The following RSKR variants were observed in gnomAD, a reference collection of about 807,000 sequenced individuals.
The protein encoded by RSKR is ribosomal protein S6 kinase related.
RSKR carries 44 observed loss-of-function variants against 56.8 expected under a neutral mutation model. The ratio of observed to expected loss-of-function variants is 0.77; its 90% CI spans 0.61 to 1.00. The LOEUF (loss-of-function observed/expected upper bound fraction) is 1.00. Among genes scored for constraint, RSKR ranks in the 50% least tolerant of loss-of-function variants. The pLI, the probability that RSKR is intolerant of heterozygous loss-of-function variation, is 0.00. For synonymous variants in RSKR, 181 were observed against 188.0 expected (o/e 0.96, Z 0.30); for missense variants, 510 against 506.9 (o/e 1.01, Z -0.06).
In RSKR at chr17:28,612,401, G is replaced by T. The variant is rs543364079; in HGVS notation, c.548-35C>A. Reference sequence around the variant, plus strand: ...CAGTGTGGAGCTACATACATTGCCAGAAGTCTAGGCAATGTTTGGGAGCTG... The same window carrying T: ...CAGTGTGGAGCTACATACATTGCCATAAGTCTAGGCAATGTTTGGGAGCTG... On this transcript the variant is annotated intron_variant, in intron 5 of 11. Transcript: ENST00000301037. 4 of 1,595,856 alleles carry T rather than the reference G, an allele frequency of 2.5e-6. No homozygotes were observed. The Admixed American group carries it at 6.7e-5, about 27-fold the overall frequency.
chr17:28,612,171 T>G, intron 6 of RSKR, 87 bp from the exon 7 acceptor site: 1 of 1,585,358 alleles, frequency 6.3e-7, no homozygotes, highest in Non-Finnish European at 8.7e-7. Context: ...TATCCTATTC[T>G]TTAACTTCCA....
Position 28,608,383 on chromosome 17 carries a change from TCTCA to T in RSKR, c.*2091_*2094del, listed in dbSNP as rs1171079576. On this transcript the variant is annotated 3_prime_UTR_variant, in exon 12 of 12. Transcript: ENST00000301037. ...AATTTATTTTTTTCCTGAGACAAGA[TCTCA>T]CTCTGTTGCTCAGGCTGGATGCAGT... 2 of 152,178 alleles carry T rather than the reference TCTCA, an allele frequency of 1.3e-5. No individual in the cohort carries two copies. The highest frequency in any genetic ancestry group is 2.9e-5 in the Non-Finnish European group (2 of 68,038). The allele number at this position is 152,178 out of a possible 1,614,324, so 9.4% of individuals were successfully genotyped here.
rs2070792386 is a variant in RSKR, at chr17:28,610,193, C to T, written c.*285G>A. ...AAGCAGAAGCAGCTCTGGCTGACAG[C>T]CTGAGGGTAAAGAGCACTGGAGAAG... On this transcript the variant is annotated 3_prime_UTR_variant, in exon 12 of 12. Transcript: ENST00000301037. 1 of 363,402 alleles carries T rather than the reference C, an allele frequency of 2.8e-6. No homozygotes were observed. Among genetic ancestry groups the T allele is most frequent in the African/African-American group, 2.0e-5 (1 of 49,396 alleles). The allele number at this position is 363,402 out of a possible 1,614,324, so 22.5% of individuals were successfully genotyped here. A position where few individuals can be genotyped will look rare whatever the true frequency, so the allele number is the denominator to read the frequency against.
intron 7 of RSKR, 118 bp downstream of exon 7, chr17:28,611,926 C>T: frequency 6.2e-7 from 1 of 1,611,826 alleles, no homozygotes; most frequent in Non-Finnish European, 8.5e-7. Flanking sequence ...TCCCCAAATC[C>T]TTGGCACCCA....
rs749382342 is a variant in RSKR at position 28,609,032 on chromosome 17, CTTTTTTTTTTT to C, written c.*1435_*1445del. ...TTGAGATATGTCTCTAACCTTAAAT[CTTTTTTTTTTT>C]TTTTTTTTTTTTTTTTTGAGACAGA... On this transcript the variant is annotated 3_prime_UTR_variant, in exon 12 of 12. Coordinates refer to ENST00000301037, the MANE Select transcript of RSKR (RefSeq NM_001174103.2). The C allele has an allele frequency of 1.1e-4, 10 of 93,658 alleles. No individual in the cohort carries two copies. The highest frequency in any genetic ancestry group is 7.3e-4 in the Admixed American group (6 of 8,260). The allele number at this position is 93,658 out of a possible 1,614,324, so 5.8% of individuals were successfully genotyped here.
At chr17:28,612,897 C>T (rs757567165) in intron 4 of RSKR, 181 bp downstream of exon 4, 11 of 763,960 alleles carry the variant, frequency 1.4e-5, no homozygotes, top group Non-Finnish European at 2.2e-5. Context: ...AGAGATTTCC[C>T]TAGTAGGACA....
chr17:28,610,774 A>C, intron 11 of RSKR, 75 bp from the exon 12 acceptor site: 1 of 1,391,018 alleles, frequency 7.2e-7, no homozygotes, highest in Non-Finnish European at 9.7e-7. Flanking sequence ...GAAAAGAAGA[A>C]AGAAGTTCAT....
rs897699258 is a variant in RSKR, at chr17:28,612,427, C to T, written c.548-61G>A. The T allele has an allele frequency of 1.9e-6, 3 of 1,552,102 alleles. No individual in the cohort carries two copies. In the African/African-American group the frequency reaches 4.1e-5, roughly 21 times the overall value. On this transcript the variant is annotated intron_variant, in intron 5 of 11. Coordinates refer to ENST00000301037, the MANE Select transcript of RSKR (RefSeq NM_001174103.2). ...AAGTCTAGGCAATGTTTGGGAGCTG[C>T]AATGCCTGGGCTCAAGGCATTGTAG... is the stretch of plus-strand genomic sequence containing the variant.
chr17:28,608,049 A>G lies in RSKR; in HGVS notation c.*2429T>C, dbSNP rs2070767101. The G allele has an allele frequency of 6.6e-6, 1 of 152,240 alleles. No homozygotes were observed. The highest frequency in any genetic ancestry group is 1.5e-5 in the Non-Finnish European group (1 of 68,038). The allele number at this position is 152,240 out of a possible 1,614,324, so 9.4% of individuals were successfully genotyped here. A position where few individuals can be genotyped will look rare whatever the true frequency, so the allele number is the denominator to read the frequency against. ...GCAGATATTATAGTAATATAAAACGATTAAAACTTAGAAAAATGAGAATAA... is the reference window on the plus strand; with the variant it reads ...GCAGATATTATAGTAATATAAAACGGTTAAAACTTAGAAAAATGAGAATAA... On this transcript the variant is annotated 3_prime_UTR_variant, in exon 12 of 12. Transcript: ENST00000301037.
In RSKR at chr17:28,613,598, A is replaced by C; in HGVS notation, c.166T>G (p.Trp56Gly). ...AGATAGTGGTGCCCCCGTAGTTCCCAGAGTTCTTCCAGATCTGACCTGATG... is the reference window on the plus strand; with the variant it reads ...AGATAGTGGTGCCCCCGTAGTTCCCCGAGTTCTTCCAGATCTGACCTGATG... ...GTIRSDLEEL[W>G]ELRGHHYLHQ... The change falls in exon 2 of 12, where the codon TGG (tryptophan) becomes GGG (glycine). Residue 56 changes from tryptophan to glycine, a missense_variant. Physicochemically the swap from Trp to Gly is radical, Grantham distance 184 (BLOSUM62 -2). Coordinates refer to ENST00000301037, the MANE Select transcript of RSKR (RefSeq NM_001174103.2). 6.2e-7 allele frequency: 1 copy of C among 1,614,176 alleles called. No homozygotes were observed. The highest frequency in any genetic ancestry group is 1.1e-5 in the South Asian group (1 of 91,082).
rs2070802541 is a variant in RSKR, at chr17:28,610,870, T to G, written c.1012-171A>C. ...AATAGAGGCTAATTTGGGGCAAAGG[T>G]GGGAATAAGGAGCTGTGCTTGTGAG... On this transcript the variant is annotated intron_variant, in intron 11 of 11. Transcript: ENST00000301037. The G allele has an allele frequency of 1.1e-5, 8 of 725,840 alleles. No individual in the cohort carries two copies. The East Asian group carries it at 2.2e-4, about 20-fold the overall frequency. 45.0% of individuals were successfully genotyped at this position (725,840 alleles called of 1,614,324 possible). A position where few individuals can be genotyped will look rare whatever the true frequency, so the allele number is the denominator to read the frequency against.
At chr17:28,612,994 AG>A (rs1233794734) in intron 4 of RSKR, 83 bp downstream of exon 4, 2 of 1,420,128 alleles carry the variant, frequency 1.4e-6, no homozygotes, top group African/African-American at 2.8e-5. Flanking sequence ...AGGCAGAACC[AG>A]GAAAAGAAGG....
intron 11 of RSKR, 88 bp downstream of exon 11, chr17:28,611,055 T>C: frequency 8.2e-7 from 1 of 1,224,352 alleles, no homozygotes; most frequent in South Asian, 1.3e-5. Flanking sequence ...AAAAAACTGA[T>C]GAGAGGAATG....
At chr17:28,611,341 CCCA>C (rs1266584492) in intron 10 of RSKR, 49 bp downstream of exon 10, 23 of 1,533,138 alleles carry the variant, frequency 1.5e-5, no homozygotes, top group Non-Finnish European at 1.6e-5. Flanking sequence ...CTTCCTTCTT[CCCA>C]CCACAAGGCA....
Position 28,609,780 on chromosome 17 carries a change from G to A in RSKR, c.*698C>T, listed in dbSNP as rs561511512. ...AAAAAAAAAAAGGGTCTGGTGCAGT[G>A]GCTCACACCTACCTGTAATTCCAGC... On this transcript the variant is annotated 3_prime_UTR_variant, in exon 12 of 12. Coordinates refer to ENST00000301037, the MANE Select transcript of RSKR (RefSeq NM_001174103.2). The A allele has an allele frequency of 6.7e-6, 1 of 149,196 alleles. No homozygotes were observed. The highest frequency in any genetic ancestry group is 6.7e-5 in the Admixed American group (1 of 14,906). 9.2% of individuals were successfully genotyped at this position (149,196 alleles called of 1,614,324 possible).
chr17:28,608,654 C>A lies in RSKR; in HGVS notation c.*1824G>T, dbSNP rs1367762499. Reference sequence around the variant, plus strand: ...TACAAGTGTGAGCCACCACACCTGGCGAGCAATTAAATTTCATAGAGATTT... The same window carrying A: ...TACAAGTGTGAGCCACCACACCTGGAGAGCAATTAAATTTCATAGAGATTT... On this transcript the variant is annotated 3_prime_UTR_variant, in exon 12 of 12. Coordinates refer to ENST00000301037, the MANE Select transcript of RSKR (RefSeq NM_001174103.2). 2 of 152,074 alleles carry A rather than the reference C, an allele frequency of 1.3e-5. No individual in the cohort carries two copies. Among genetic ancestry groups the A allele is most frequent in the African/African-American group, 4.8e-5 (2 of 41,394 alleles). The allele number at this position is 152,074 out of a possible 1,614,324, so 9.4% of individuals were successfully genotyped here. A position where few individuals can be genotyped will look rare whatever the true frequency, so the allele number is the denominator to read the frequency against.
At position 28,610,163 on chromosome 17, in the gene RSKR, GAAAC is replaced by G. The variant is rs1437956115; in HGVS notation, c.*311_*314del. 2 of 300,850 alleles carry G rather than the reference GAAAC, an allele frequency of 6.6e-6. No homozygotes were observed. Among genetic ancestry groups the G allele is most frequent in the Non-Finnish European group, 1.3e-5 (2 of 159,528 alleles). 18.6% of individuals were successfully genotyped at this position (300,850 alleles called of 1,614,324 possible). On this transcript the variant is annotated 3_prime_UTR_variant, in exon 12 of 12. Transcript: ENST00000301037. ...TGCTCAAGAAAGGAAACATGGCAGA[GAAAC>G]AAGCAGAAGCAGCTCTGGCTGACAG...
In RSKR at chr17:28,609,700, T is replaced by C. The variant is rs1325564604; in HGVS notation, c.*778A>G. ...TTGCAGTGAGCTGAGATCGTGCCAC[T>C]GCACTCCAACCTGGGTGACGAGAGT... On this transcript the variant is annotated 3_prime_UTR_variant, in exon 12 of 12. Transcript: ENST00000301037. 1 of 131,756 alleles carries C rather than the reference T, an allele frequency of 7.6e-6. No homozygotes were observed. The highest frequency in any genetic ancestry group is 1.5e-5 in the Non-Finnish European group (1 of 65,468). 8.2% of individuals were successfully genotyped at this position (131,756 alleles called of 1,614,324 possible).
In RSKR at chr17:28,610,427, G is replaced by A; in HGVS notation, c.*51C>T. ...CAAGGTGGTCATACTGAGTAGGCAGGGATGGAGATCTTCAGGCTCCCAGCC... is the reference window on the plus strand; with the variant it reads ...CAAGGTGGTCATACTGAGTAGGCAGAGATGGAGATCTTCAGGCTCCCAGCC... On this transcript the variant is annotated 3_prime_UTR_variant, in exon 12 of 12. Transcript: ENST00000301037. 6.8e-7 allele frequency: 1 copy of A among 1,465,050 alleles called. No homozygotes were observed. The highest frequency in any genetic ancestry group is 9.2e-7 in the Non-Finnish European group (1 of 1,083,254). The allele number at this position is 1,465,050 out of a possible 1,614,324, so 90.8% of individuals were successfully genotyped here.
Sources: allele counts gnomAD v4.1 joint callset, GRCh38; gene constraint gnomAD v4.1.1; transcripts MANE v1.5; gene names NCBI Gene and HGNC (gene_info 2026-07-23, HGNC 2026-07-21).